The following ANKRD18B variants were observed in gnomAD, a reference collection of about 807,000 sequenced individuals.
The protein encoded by ANKRD18B is ankyrin repeat domain-containing protein 18B.
A neutral mutation model predicts 111.8 loss-of-function variants in ANKRD18B; 75 were observed. The observed-to-expected ratio is 0.67, with a 90% CI of 0.56 to 0.81. The LOEUF (loss-of-function observed/expected upper bound fraction) is 0.81. Among genes scored for constraint, ANKRD18B ranks in the 40% least tolerant of loss-of-function variants. The pLI is 0.00. For synonymous variants in ANKRD18B, 356 were observed against 417.3 expected, an observed-to-expected ratio of 0.85 and a Z score of 1.79; for missense variants, 1,038 against 1,225.5, an observed-to-expected ratio of 0.85 and a Z score of 2.28.
At position 33,567,152 on chromosome 9, in the gene ANKRD18B, C is replaced by A; in HGVS notation, c.2792C>A (p.Thr931Lys). The A allele has an allele frequency of 6.5e-7, 1 of 1,546,970 alleles. No homozygotes were observed. The highest frequency in any genetic ancestry group is 2.0e-5 in the Admixed American group (1 of 50,344). The change falls in exon 16 of 19, where the codon ACG (threonine) becomes AAG (lysine). Residue 931 changes from threonine to lysine, a missense_variant. Coordinates refer to ENST00000684830, the MANE Select transcript of ANKRD18B (RefSeq NM_001393611.1). Reference protein sequence around the residue: ...KQLEQLNKDNTASLKKKELTL... With the variant: ...KQLEQLNKDNKASLKKKELTL... ...TTAGAGCAGTTAAACAAGGATAATA[C>A]GGCTTCACTAAAAAAGAAGGAACTC... is the stretch of plus-strand genomic sequence containing the variant.
At chr9:33,527,441 C>T (rs575843483) in intron 1 of ANKRD18B, among the ~76,000 whole-genome samples, 1 of 152,206 alleles carries the variant, frequency 6.6e-6, no homozygotes, top group Admixed American at 6.5e-5. Flanking sequence ...CCTGCCTCAG[C>T]CTCCCGAGTA....
chr9:33,553,640 C>T (rs1828479382), intron 12 of ANKRD18B, among the ~76,000 whole-genome samples: 1 of 152,104 alleles, frequency 6.6e-6, no homozygotes, highest in South Asian at 2.1e-4. Flanking sequence ...CTGGAGCTTC[C>T]CAATGACATA....
In ANKRD18B at chr9:33,524,426, G is replaced by A. The variant is rs1827993915; in HGVS notation, c.-64G>A. 1.4e-6 allele frequency: 2 copies of A among 1,473,226 alleles called. No homozygotes were observed. The highest frequency in any genetic ancestry group is 2.5e-5 in the Admixed American group (1 of 40,380). 91.3% of individuals were successfully genotyped at this position (1,473,226 alleles called of 1,614,324 possible). A position where few individuals can be genotyped will look rare whatever the true frequency, so the allele number is the denominator to read the frequency against. Reference sequence around the variant, plus strand: ...CTCGAATTTGGAGCTGGGTGGGGGTGGAAAGGCCACGAGGAGCCGCGGCGT... The same window carrying A: ...CTCGAATTTGGAGCTGGGTGGGGGTAGAAAGGCCACGAGGAGCCGCGGCGT... On this transcript the variant is annotated 5_prime_UTR_variant, in exon 1 of 19. Transcript: ENST00000684830.
At chr9:33,568,545 G>T (rs1828720428) in intron 16 of ANKRD18B, 126 bp from the exon 17 acceptor site, 1 of 758,608 alleles carries the variant, frequency 1.3e-6, no homozygotes, top group Non-Finnish European at 2.0e-6. Flanking sequence ...ACACATCTTC[G>T]TGTGAAAACA....
At chr9:33,541,026 C>G in intron 8 of ANKRD18B, 121 bp from the exon 9 acceptor site, 2 of 1,257,298 alleles carry the variant, frequency 1.6e-6, no homozygotes, top group Non-Finnish European at 2.2e-6. Context: ...GTGATGAGTG[C>G]AAGCTTCTAA....
intron 10 of ANKRD18B, among the ~76,000 whole-genome samples, chr9:33,544,933 T>C (rs1587265185): frequency 2.6e-5 from 4 of 152,198 alleles, no homozygotes; most frequent in Non-Finnish European, 4.4e-5. Context: ...AGCTCTTACA[T>C]TGTAACTCTA....
In ANKRD18B at chr9:33,567,262, G is replaced by A; in HGVS notation, c.2902G>A (p.Ala968Thr). The change falls in exon 16 of 19, where the codon GCC (alanine) becomes ACC (threonine). Residue 968 changes from alanine (A) to threonine (T), a missense_variant. This residue lies in a region of ANKRD18B where 524 missense variants were observed against 677.9 expected (regional missense o/e 0.77). Coordinates refer to ENST00000684830, the MANE Select transcript of ANKRD18B (RefSeq NM_001393611.1). ...AACTGAATTAGAAGAGTATAAGGAA[G>A]CCTTTGCAGTAGCATTGAAAGCTAA... ...VTTELEEYKE[A>T]FAVALKANSS... 6.5e-7 allele frequency: 1 copy of A among 1,548,438 alleles called. No homozygotes were observed. The highest frequency in any genetic ancestry group is 8.7e-7 in the Non-Finnish European group (1 of 1,145,960).
At chr9:33,572,231 T>C (rs62559882) in intron 18 of ANKRD18B, 85 bp from the exon 19 acceptor site, 186,188 of 995,640 alleles carry the variant, frequency 0.19, 17,927 homozygotes, top group Admixed American at 0.22. Context: ...ACTCTGATAA[T>C]GTTCTCAACT....
At chr9:33,545,011 G>A (rs1398804985) in intron 10 of ANKRD18B, among the ~76,000 whole-genome samples, 1 of 152,214 alleles carries the variant, frequency 6.6e-6, no homozygotes, top group East Asian at 1.9e-4. Context: ...TGAGGAAGCA[G>A]ATGCACCTGG....
At chr9:33,571,648 G>C (rs1828778076) in intron 18 of ANKRD18B, 1 of 153,750 alleles carries the variant, frequency 6.5e-6, no homozygotes, top group African/African-American at 2.4e-5. Flanking sequence ...CTCAGGAAAA[G>C]TTCCAGAAAT....
intron 3 of ANKRD18B, among the ~76,000 whole-genome samples, chr9:33,532,015 A>C (rs1183455833): frequency 2.0e-5 from 3 of 152,272 alleles, no homozygotes. Context: ...AGGGCAGATC[A>C]CGAGGTCAGG....
In ANKRD18B at chr9:33,568,859, A is replaced by G; in HGVS notation, c.3143A>G (p.Gln1048Arg). Residue 1048 changes from glutamine to arginine, a missense_variant, in exon 17 of 19, where the codon CAG becomes CGG. Physicochemically the swap from Gln to Arg is conservative, Grantham distance 43. Coordinates refer to ENST00000684830, the MANE Select transcript of ANKRD18B (RefSeq NM_001393611.1). ...ATAAGAATTCCTACTTCAAACCCAC[A>G]GACTTCAAATAACTGCAAGAACTCC... is the stretch of plus-strand genomic sequence containing the variant. The part of the protein sequence containing the change: ...MAIRIPTSNP[Q>R]TSNNCKNSLT... The G allele has an allele frequency of 6.4e-7, 1 of 1,551,280 alleles. No homozygotes were observed. Among genetic ancestry groups the G allele is most frequent in the Non-Finnish European group, 8.7e-7 (1 of 1,146,732 alleles).
chr9:33,552,303 C>A (rs1828458362), intron 12 of ANKRD18B, among the ~76,000 whole-genome samples: 1 of 152,162 alleles, frequency 6.6e-6, no homozygotes. Context: ...CACTATGTAG[C>A]CAAAACTGTA....
rs1828273219 is a variant in ANKRD18B at position 33,541,177 on chromosome 9, A to C, written c.1028A>C (p.Lys343Thr). 3.9e-6 allele frequency: 6 copies of C among 1,544,176 alleles called. No homozygotes were observed. Among genetic ancestry groups the C allele is most frequent in the Non-Finnish European group, 1.7e-6 (2 of 1,144,714 alleles). ...GCAGCTATGAAGCCTGAAAATTTGA[A>C]AAAAAGAAAAAAAAGAAAAAAATTG... ...ETAAMKPENL[K>T]KRKKRKKLKK... Residue 343 changes from lysine (K) to threonine (T), a missense_variant, in exon 9 of 19, where the codon AAA becomes ACA. Lys to Thr is a moderately conservative substitution (Grantham distance 78). Coordinates refer to ENST00000684830, the MANE Select transcript of ANKRD18B (RefSeq NM_001393611.1).
rs759394828 is a variant in ANKRD18B, at chr9:33,529,044, ACGTGG to A, written c.369_373del (p.Gly124GlnfsTer5). Reference sequence around the variant, plus strand: ...AGGCTTGTGCCATTATTCTCCTGAAACGTGGCGCCAATCCAAACATTAAGGATATC... The same window carrying A: ...AGGCTTGTGCCATTATTCTCCTGAAACGCCAATCCAAACATTAAGGATATC... On this transcript the variant is annotated frameshift_variant, in exon 3 of 19. Transcript: ENST00000684830. LOFTEE classifies it high-confidence loss of function. 1 of 1,612,332 alleles carries A rather than the reference ACGTGG, an allele frequency of 6.2e-7. No homozygotes were observed. Among genetic ancestry groups the A allele is most frequent in the East Asian group, 2.2e-5 (1 of 44,886 alleles).
chr9:33,531,408 A>G (rs1828114567), intron 3 of ANKRD18B, among the ~76,000 whole-genome samples: 1 of 152,180 alleles, frequency 6.6e-6, no homozygotes, highest in Non-Finnish European at 1.5e-5. Context: ...CTATAGTCTA[A>G]ATGTGGTGTA....
chr9:33,543,269 T>A lies in ANKRD18B; in HGVS notation c.1149+14T>A, dbSNP rs569458001. 1.3e-6 allele frequency: 2 copies of A among 1,537,252 alleles called. No homozygotes were observed. Among genetic ancestry groups the A allele is most frequent in the South Asian group, 2.5e-5 (2 of 81,592 alleles). On this transcript the variant is annotated intron_variant, in intron 10 of 18. Coordinates refer to ENST00000684830, the MANE Select transcript of ANKRD18B (RefSeq NM_001393611.1). ...AAACAGCCGCAGGTATATAACAATT[T>A]AAATTTCTGGTTTAATATTGGTTTG...
At chr9:33,536,462 T>C (rs927650195) in intron 5 of ANKRD18B, among the ~76,000 whole-genome samples, 1 of 152,232 alleles carries the variant, frequency 6.6e-6, no homozygotes, top group Admixed American at 6.5e-5. Context: ...TCTCTGAACA[T>C]TTAAACATGT....
chr9:33,524,602 T>TCCACAGGGCGG lies in ANKRD18B; in HGVS notation c.117_127dup (p.Ile43ThrfsTer16). The TCCACAGGGCGG allele has an allele frequency of 1.3e-6, 2 of 1,551,424 alleles. No homozygotes were observed. Among genetic ancestry groups the TCCACAGGGCGG allele is most frequent in the South Asian group, 1.2e-5 (1 of 84,040 alleles). ...ATTCGGGACTGGGAACTGCGGAAGA[T>TCCACAGGGCGG]CCACAGGGCGGCCATCAAGGGCGAC... On this transcript the variant is annotated frameshift_variant, in exon 1 of 19. Coordinates refer to ENST00000684830, the MANE Select transcript of ANKRD18B (RefSeq NM_001393611.1). LOFTEE classifies it high-confidence loss of function.
Sources: gnomAD v4.1 joint callset for allele counts (sites outside exome capture counted in the v4.1 genomes callset) on GRCh38, gnomAD v4.1.1 for gene constraint, gnomAD v4.1.1 regional missense constraint, MANE v1.5 for transcripts, NCBI Gene and HGNC (gene_info 2026-07-23, HGNC 2026-07-21) for gene names.